Variants in ZDHHC9 observed in about 807,000 individuals in gnomAD.
ZDHHC9 encodes palmitoyltransferase ZDHHC9.
A neutral mutation model predicts 26.6 loss-of-function variants in ZDHHC9; 3 were observed. The observed-to-expected ratio is 0.11, with a 90% CI of 0.05 to 0.29. The LOEUF is 0.29. Ranked by LOEUF, ZDHHC9 falls within the 10% of genes least tolerant of loss-of-function variation. ZDHHC9 has a pLI of 1.00. For missense variants in ZDHHC9, 146 were observed against 296.4 expected (o/e 0.49, Z 3.73); for synonymous variants, 111 against 109.4 (o/e 1.01, Z -0.09).
rs763750289 is a variant in ZDHHC9 at position 129,816,131 on chromosome X, A to G, written c.488-1336T>C. Among the ~76,000 whole-genome samples the G allele has an allele frequency of 1.1e-3, 124 of 112,246 alleles. 3 individuals are homozygous for G. The highest frequency in any genetic ancestry group is 2.8e-4 in the Non-Finnish European group (15 of 53,265). On this transcript the variant is annotated intron_variant, in intron 5 of 10. Coordinates refer to ENST00000357166, the MANE Select transcript of ZDHHC9 (RefSeq NM_016032.4). ...ACTCAGGTTAGAACTGCGTGCGTCC[A>G]CTTGTACATGGATTTGTTTCAATAA...
At chrX:129,824,010 G>A (rs1927953812) in intron 4 of ZDHHC9, among the ~76,000 whole-genome samples, 173 bp from the exon 5 acceptor site, 2 of 111,866 alleles carry the variant, frequency 1.8e-5, no homozygotes, top group African/African-American at 6.5e-5. Flanking sequence ...CTAAGTGCAT[G>A]CAGTTCTGTT....
chrX:129,819,790 T>G, intron 5 of ZDHHC9, among the ~76,000 whole-genome samples: 1 of 110,831 alleles, frequency 9.0e-6, no homozygotes, highest in Non-Finnish European at 1.9e-5. Context: ...CTCCACCTCA[T>G]GGGTTTTTTA....
chrX:129,826,164 G>A (rs1928013251), intron 4 of ZDHHC9, among the ~76,000 whole-genome samples: 1 of 111,756 alleles, frequency 8.9e-6, no homozygotes, highest in Non-Finnish European at 1.9e-5. Context: ...CAATAACAAT[G>A]TGTCACAAGT....
rs1358282074 is a variant in ZDHHC9, at chrX:129,803,868, G to A, written c.*2502C>T. 1 of 111,676 alleles carries A rather than the reference G, an allele frequency of 9.0e-6. No individual in the cohort carries two copies. The highest frequency in any genetic ancestry group is 1.9e-5 in the Non-Finnish European group (1 of 53,122). 9.2% of individuals were successfully genotyped at this position (111,676 alleles called of 1,213,427 possible). A position where few individuals can be genotyped will look rare whatever the true frequency, so the allele number is the denominator to read the frequency against. On this transcript the variant is annotated 3_prime_UTR_variant, in exon 11 of 11. Coordinates refer to ENST00000357166, the MANE Select transcript of ZDHHC9 (RefSeq NM_016032.4). ...CATTGAAAAGACCAAACAATTTAAG[G>A]CCCTTTTCCCCTGGGAACATTGATT...
chrX:129,828,740 C>T (rs1168088139), intron 4 of ZDHHC9, among the ~76,000 whole-genome samples: 1 of 111,870 alleles, frequency 8.9e-6, no homozygotes, highest in African/African-American at 3.3e-5. Context: ...TACAGCAGGA[C>T]CTTGGTAACA....
intron 3 of ZDHHC9, among the ~76,000 whole-genome samples, chrX:129,836,914 G>C (rs1385395616): frequency 8.9e-6 from 1 of 112,305 alleles, no homozygotes; most frequent in Non-Finnish European, 1.9e-5. Context: ...CTAGTATTTG[G>C]TACTATGTAC....
At chrX:129,839,695 T>C (rs1278502923) in intron 3 of ZDHHC9, among the ~76,000 whole-genome samples, 1 of 111,042 alleles carries the variant, frequency 9.0e-6, no homozygotes, top group Non-Finnish European at 1.9e-5. Flanking sequence ...CCACCTAAAG[T>C]GTCTATGTGT....
chrX:129,826,701 G>T (rs936133958), intron 4 of ZDHHC9, among the ~76,000 whole-genome samples: 2 of 111,163 alleles, frequency 1.8e-5, no homozygotes, highest in African/African-American at 6.6e-5. Context: ...GTTCTATCGG[G>T]TCTCCCCAGA....
chrX:129,819,319 A>G (rs184471922), intron 5 of ZDHHC9, among the ~76,000 whole-genome samples: 1 of 111,585 alleles, frequency 9.0e-6, no homozygotes, highest in Admixed American at 9.6e-5. Flanking sequence ...AGAAAGGTAT[A>G]GAGAAGAATG....
intron 3 of ZDHHC9, among the ~76,000 whole-genome samples, chrX:129,840,851 C>T (rs1324433967): frequency 9.1e-6 from 1 of 110,282 alleles, no homozygotes; most frequent in Non-Finnish European, 1.9e-5. Flanking sequence ...GGCCAAGGTG[C>T]CCCCTCCTAC....
At chrX:129,811,260 T>C (rs1927633352) in intron 9 of ZDHHC9, 146 bp downstream of exon 9, 5 of 518,327 alleles carry the variant, frequency 9.6e-6, no homozygotes, top group East Asian at 7.0e-5. Flanking sequence ...CTATGGTCCA[T>C]GTAGACATGG....
intron 4 of ZDHHC9, among the ~76,000 whole-genome samples, chrX:129,825,279 T>A (rs934973510): frequency 9.0e-6 from 1 of 110,823 alleles, no homozygotes; most frequent in East Asian, 2.8e-4. Context: ...AAAAAAAAAA[T>A]TTTTTTTGGA....
chrX:129,831,828 A>G (rs1374867140), intron 3 of ZDHHC9, among the ~76,000 whole-genome samples: 1 of 110,853 alleles, frequency 9.0e-6, no homozygotes, highest in Non-Finnish European at 1.9e-5. Context: ...GTGAACTACA[A>G]CCCATAGTGT....
chrX:129,810,644 G>C (rs1016323604), intron 10 of ZDHHC9, among the ~76,000 whole-genome samples: 3 of 111,634 alleles, frequency 2.7e-5, no homozygotes, highest in African/African-American at 9.8e-5. Context: ...CTTGAGAGCA[G>C]GGACATCGTT....
chrX:129,815,965 G>A (rs1361444215), intron 5 of ZDHHC9, among the ~76,000 whole-genome samples: 1 of 111,479 alleles, frequency 9.0e-6, no homozygotes, highest in Non-Finnish European at 1.9e-5. Context: ...ATTTGATTGT[G>A]GTAAGCATTA....
chrX:129,832,738 G>A (rs978165183), intron 3 of ZDHHC9, among the ~76,000 whole-genome samples: 3 of 110,237 alleles, frequency 2.7e-5, no homozygotes, highest in African/African-American at 6.7e-5. Context: ...AGCGGAGATC[G>A]TGCCACTGCA....
At position 129,813,730 on chromosome X, in the gene ZDHHC9, G is replaced by T; in HGVS notation, c.626-5C>A. 1 of 1,207,414 alleles carries T rather than the reference G, an allele frequency of 8.3e-7. No homozygotes were observed. Among genetic ancestry groups the T allele is most frequent in the Non-Finnish European group, 1.1e-6 (1 of 891,517 alleles). On this transcript the variant is annotated splice_polypyrimidine_tract_variant and splice_region_variant and intron_variant, in intron 6 of 10. Coordinates refer to ENST00000357166, the MANE Select transcript of ZDHHC9 (RefSeq NM_016032.4). Reference sequence around the variant, plus strand: ...AGAAGCCAATTTTCAAAGATTCTGTGAAATTGGATGGAAGAGTAGAGAGAA... The same window carrying T: ...AGAAGCCAATTTTCAAAGATTCTGTTAAATTGGATGGAAGAGTAGAGAGAA...
At chrX:129,830,542 T>C (rs773247453) in intron 3 of ZDHHC9, among the ~76,000 whole-genome samples, 1 of 111,766 alleles carries the variant, frequency 8.9e-6, no homozygotes, top group Non-Finnish European at 1.9e-5. Flanking sequence ...ACAAAATAAA[T>C]AGGAATATGT....
intron 5 of ZDHHC9, among the ~76,000 whole-genome samples, chrX:129,817,564 ATTATCTATT>A (rs1927784934): frequency 1.8e-5 from 2 of 111,604 alleles, no homozygotes; most frequent in Non-Finnish European, 3.8e-5. Flanking sequence ...AACCATCACC[ATTATCTATT>A]TCCAAAACCC....
Sources: gnomAD v4.1 joint callset for allele counts (sites outside exome capture counted in the v4.1 genomes callset) on GRCh38, gnomAD v4.1.1 for gene constraint, MANE v1.5 for transcripts, NCBI Gene and HGNC (gene_info 2026-07-23, HGNC 2026-07-21) for gene names.